The following RALY variants were observed in gnomAD, a reference collection of about 807,000 sequenced individuals.
RALY encodes RNA-binding protein Raly.
A neutral mutation model predicts 30.7 loss-of-function variants in RALY; 15 were observed. That is an observed-to-expected ratio of 0.49 (90% CI 0.33 to 0.75). The LOEUF (loss-of-function observed/expected upper bound fraction) is 0.75, where lower values mean the gene tolerates loss of function less well. Among genes scored for constraint, RALY ranks in the 30% least tolerant of loss-of-function variants. RALY has a pLI of 0.02. For missense variants in RALY, 339 were observed against 414.3 expected (o/e 0.82, Z 1.58); for synonymous variants, 177 against 170.8 (o/e 1.04, Z -0.28).
intron 2 of RALY, among the ~76,000 whole-genome samples, chr20:34,040,514 A>G (rs1314693925): frequency 1.3e-5 from 2 of 152,106 alleles, no homozygotes; most frequent in Admixed American, 1.3e-4. Context: ...AAATCAGCCT[A>G]TTCCCATTCC....
intron 2 of RALY, among the ~76,000 whole-genome samples, chr20:34,052,962 G>C (rs1230357765): frequency 1.3e-5 from 2 of 152,210 alleles, no homozygotes; most frequent in Non-Finnish European, 2.9e-5. Flanking sequence ...GGCAGAGGAA[G>C]TTGGCTTTGG....
chr20:34,025,327 A>G (rs1486072259), intron 1 of RALY, among the ~76,000 whole-genome samples: 2 of 150,094 alleles, frequency 1.3e-5, no homozygotes, highest in Non-Finnish European at 3.0e-5. Context: ...TTTTTAAGAC[A>G]ATCTCAGTCT....
chr20:34,005,259 C>T (rs969653521), intron 1 of RALY, among the ~76,000 whole-genome samples: 4 of 152,118 alleles, frequency 2.6e-5, no homozygotes, highest in African/African-American at 9.7e-5. Flanking sequence ...GGCCTGTAAT[C>T]CTGACACTTT....
chr20:34,011,593 G>T (rs2031400379), intron 1 of RALY, among the ~76,000 whole-genome samples: 1 of 152,154 alleles, frequency 6.6e-6, no homozygotes, highest in Non-Finnish European at 1.5e-5. Flanking sequence ...CCATAAGCAG[G>T]AGTGGAAAGA....
chr20:34,042,732 T>TA (rs1347273803), intron 2 of RALY, among the ~76,000 whole-genome samples: 1 of 152,224 alleles, frequency 6.6e-6, no homozygotes, highest in African/African-American at 2.4e-5. Context: ...CTAATGAAAA[T>TA]ATAACCTTTG....
intron 2 of RALY, among the ~76,000 whole-genome samples, chr20:34,065,654 C>T (rs1416243654): frequency 6.6e-6 from 1 of 152,178 alleles, no homozygotes; most frequent in East Asian, 1.9e-4. Flanking sequence ...GCCTCTGGAC[C>T]AAGGAGGCCC....
chr20:33,994,434 C>G (rs565457448), intron 1 of RALY: 2 of 152,466 alleles, frequency 1.3e-5, no homozygotes, highest in East Asian at 3.9e-4. Context: ...GGCCCGCGCC[C>G]GCTCGGAAGT....
intron 2 of RALY, among the ~76,000 whole-genome samples, chr20:34,044,890 C>G (rs769162856): frequency 3.3e-5 from 5 of 152,172 alleles, no homozygotes; most frequent in Admixed American, 1.3e-4. Flanking sequence ...ATGAACAAAA[C>G]AAGGACTGCC....
In RALY at chr20:34,071,122, C is replaced by T. The variant is rs552197551; in HGVS notation, c.-9-944C>T. 2.8e-4 allele frequency among the ~76,000 whole-genome samples: 42 copies of T among 152,214 alleles called. No individual in the cohort carries two copies. In the South Asian group the frequency reaches 7.9e-3, roughly 29 times the overall value. Reference sequence around the variant, plus strand: ...GATTTCAGTCACCATGATCCAGTCACCTCCCACCAGGCCCCACCTCCAGCA... The same window carrying T: ...GATTTCAGTCACCATGATCCAGTCATCTCCCACCAGGCCCCACCTCCAGCA... On this transcript the variant is annotated intron_variant, in intron 2 of 9. Coordinates refer to ENST00000246194, the MANE Select transcript of RALY (RefSeq NM_016732.3).
chr20:34,055,026 C>T (rs2033198892), intron 2 of RALY, among the ~76,000 whole-genome samples: 1 of 152,112 alleles, frequency 6.6e-6, no homozygotes, highest in African/African-American at 2.4e-5. Flanking sequence ...TCACAACAGC[C>T]TTATGGAGAA....
intron 1 of RALY, among the ~76,000 whole-genome samples, chr20:34,020,762 A>C (rs868255394): frequency 6.6e-6 from 1 of 152,342 alleles, no homozygotes; most frequent in Middle Eastern, 3.4e-3. Context: ...TCCTATACAG[A>C]AAAAGTTTGC....
chr20:33,996,633 TGTG>T (rs1272163370), intron 1 of RALY, among the ~76,000 whole-genome samples: 205 of 152,142 alleles, frequency 1.3e-3, no homozygotes, highest in African/African-American at 4.7e-3. Context: ...AAAAAAAAAT[TGTG>T]GTAAAATATA....
At position 34,084,632 on chromosome 20, in the gene RALY, C is replaced by T. The variant is rs1302685516; in HGVS notation, c.*4727C>T. On this transcript the variant is annotated 3_prime_UTR_variant, in exon 10 of 10. Transcript: ENST00000246194. The stretch of plus-strand genomic sequence containing the variant: ...CAGTCCCAGACTGAAGCACTAGCAG[C>T]TTCCACTTATTATCTCTTGGGACTC... The T allele has an allele frequency of 1.3e-5, 2 of 152,290 alleles. No individual in the cohort carries two copies. The highest frequency in any genetic ancestry group is 6.5e-5 in the Admixed American group (1 of 15,286). The allele number at this position is 152,290 out of a possible 1,614,324, so 9.4% of individuals were successfully genotyped here. A position where few individuals can be genotyped will look rare whatever the true frequency, so the allele number is the denominator to read the frequency against.
At chr20:34,063,427 G>T (rs566995734) in intron 2 of RALY, among the ~76,000 whole-genome samples, 11 of 152,162 alleles carry the variant, frequency 7.2e-5, no homozygotes, top group Non-Finnish European at 1.5e-4. Flanking sequence ...TCCAAAGCAT[G>T]CAACTTAATG....
At chr20:34,022,470 T>C (rs2031866233) in intron 1 of RALY, among the ~76,000 whole-genome samples, 1 of 152,140 alleles carries the variant, frequency 6.6e-6, no homozygotes, top group South Asian at 2.1e-4. Flanking sequence ...TGACACTTGT[T>C]CTGGCCAGTT....
chr20:33,996,433 G>A (rs1185338645), intron 1 of RALY, among the ~76,000 whole-genome samples: 1 of 152,090 alleles, frequency 6.6e-6, no homozygotes, highest in South Asian at 2.1e-4. Context: ...AATGGACTGA[G>A]GACTTTATGG....
Position 34,067,751 on chromosome 20 carries a change from A to G in RALY, c.-9-4315A>G, listed in dbSNP as rs536652855. On this transcript the variant is annotated intron_variant, in intron 2 of 9. Transcript: ENST00000246194. ...TGCAGCAATTGTTTCTCCTGCAGGT[A>G]AAGGTGAAGGCACTTATTGGGGAGC... 3.3e-5 allele frequency among the ~76,000 whole-genome samples: 5 copies of G among 152,184 alleles called. No homozygotes were observed. The South Asian group carries it at 8.3e-4, about 25-fold the overall frequency.
At chr20:34,064,729 C>G (rs1043451692) in intron 2 of RALY, among the ~76,000 whole-genome samples, 1 of 152,184 alleles carries the variant, frequency 6.6e-6, no homozygotes, top group African/African-American at 2.4e-5. Flanking sequence ...GCTAGAGTGC[C>G]AGGCTAGGTT....
At chr20:34,021,332 A>T (rs936486478) in intron 1 of RALY, among the ~76,000 whole-genome samples, 1 of 152,200 alleles carries the variant, frequency 6.6e-6, no homozygotes, top group Non-Finnish European at 1.5e-5. Context: ...TTTACAAACA[A>T]TAGAAGTTTG....
Sources: gnomAD v4.1 joint callset for allele counts (sites outside exome capture counted in the v4.1 genomes callset) on GRCh38, gnomAD v4.1.1 for gene constraint, MANE v1.5 for transcripts, NCBI Gene and HGNC (gene_info 2026-07-23, HGNC 2026-07-21) for gene names.